The following ASAP1 variants were observed in gnomAD, a reference collection of about 807,000 sequenced individuals.
ASAP1 encodes ArfGAP with SH3 domain, ankyrin repeat and PH domain 1.
A neutral mutation model predicts 145.2 loss-of-function variants in ASAP1; 43 were observed. That is an observed-to-expected ratio of 0.30 (90% CI 0.23 to 0.38). The LOEUF is 0.38. ASAP1 is among the 10% of genes least tolerant of loss of function. The pLI is 1.00. For missense variants in ASAP1, 1,018 were observed against 1,355.3 expected, an observed-to-expected ratio of 0.75 and a Z score of 3.91; for synonymous variants, 546 against 515.5, an observed-to-expected ratio of 1.06 and a Z score of -0.80.
At chr8:130,373,089 C>T (rs1359640928) in intron 2 of ASAP1, among the ~76,000 whole-genome samples, 1 of 144,634 alleles carries the variant, frequency 6.9e-6, no homozygotes, top group Non-Finnish European at 1.5e-5. Context: ...CAGACACCCC[C>T]CCACACACAC....
intron 3 of ASAP1, among the ~76,000 whole-genome samples, chr8:130,353,243 C>A (rs1308510843): frequency 6.6e-6 from 1 of 152,156 alleles, no homozygotes; most frequent in Non-Finnish European, 1.5e-5. Flanking sequence ...TGGAAAATGA[C>A]TTGTATATAG....
At chr8:130,109,555 G>C (rs1378455112) in intron 24 of ASAP1, among the ~76,000 whole-genome samples, 2 of 152,042 alleles carry the variant, frequency 1.3e-5, no homozygotes, top group African/African-American at 2.4e-5. Flanking sequence ...AGAGACCTCT[G>C]CTTTATTTGT....
chr8:130,098,409 T>C (rs2097522822), intron 24 of ASAP1, among the ~76,000 whole-genome samples: 1 of 152,196 alleles, frequency 6.6e-6, no homozygotes, highest in South Asian at 2.1e-4. Context: ...AGTGGCATGA[T>C]CTTAGCTCAC....
chr8:130,090,944 C>A (rs547870740), intron 25 of ASAP1, among the ~76,000 whole-genome samples: 4 of 152,320 alleles, frequency 2.6e-5, no homozygotes, highest in African/African-American at 9.6e-5. Context: ...GTGAGACACA[C>A]AAACTAACAA....
intron 24 of ASAP1, among the ~76,000 whole-genome samples, chr8:130,101,487 G>A (rs1189351412): frequency 6.6e-6 from 1 of 151,972 alleles, no homozygotes; most frequent in Admixed American, 6.6e-5. Context: ...TCATTGCAGA[G>A]CTCTTTCACC....
intron 24 of ASAP1, among the ~76,000 whole-genome samples, chr8:130,094,001 C>T (rs1024554813): frequency 1.3e-5 from 2 of 152,048 alleles, no homozygotes; most frequent in African/African-American, 4.8e-5. Context: ...CATCTTTGTC[C>T]CATTGCGTAA....
At chr8:130,256,332 C>A (rs2136918706) in intron 3 of ASAP1, among the ~76,000 whole-genome samples, 1 of 151,152 alleles carries the variant, frequency 6.6e-6, no homozygotes, top group African/African-American at 2.4e-5. Context: ...CTCCCTTGTC[C>A]CTAGCTCATA....
intron 25 of ASAP1, among the ~76,000 whole-genome samples, chr8:130,080,478 C>CTCTCT (rs869286628): frequency 1.4e-5 from 1 of 71,188 alleles, no homozygotes. Context: ...CATTCTCTCT[C>CTCTCT]TTTTTTTTTT....
rs79876138 is a variant in ASAP1, at chr8:130,115,544, A to T, written c.2172+84T>A. 5,160 of 1,059,672 alleles carry T rather than the reference A, an allele frequency of 4.9e-3. 151 individuals are homozygous for T. The African/African-American group carries it at 0.067, about 14-fold the overall frequency. The allele number at this position is 1,059,672 out of a possible 1,614,324, so 65.6% of individuals were successfully genotyped here. On this transcript the variant is annotated intron_variant, in intron 23 of 29. Transcript: ENST00000518721. ...TGGATCATAAAACCACAATCAATCA[A>T]TCTCACCAAAAATGGATCTTGTCTA...
chr8:130,341,610 G>A (rs1284780741), intron 3 of ASAP1, among the ~76,000 whole-genome samples: 1 of 152,164 alleles, frequency 6.6e-6, no homozygotes, highest in Admixed American at 6.5e-5. Flanking sequence ...CTCTTAAGTA[G>A]TCTCTGTTTC....
chr8:130,219,269 A>AAC (rs946004272), intron 4 of ASAP1, among the ~76,000 whole-genome samples: 2 of 152,140 alleles, frequency 1.3e-5, no homozygotes, highest in East Asian at 1.9e-4. Flanking sequence ...CATGTCCCCT[A>AAC]ACACACACAC....
chr8:130,125,205 T>A (rs976130607), intron 17 of ASAP1, among the ~76,000 whole-genome samples: 1 of 152,138 alleles, frequency 6.6e-6, no homozygotes, highest in African/African-American at 2.4e-5. Flanking sequence ...GTACAAAGAC[T>A]CTCTCACAGT....
chr8:130,090,129 T>C (rs950514160), intron 25 of ASAP1, among the ~76,000 whole-genome samples: 1 of 152,228 alleles, frequency 6.6e-6, no homozygotes, highest in South Asian at 2.1e-4. Context: ...AACGGCCAGC[T>C]GCTAGTCTTG....
At chr8:130,271,829 A>T (rs1392318146) in intron 3 of ASAP1, among the ~76,000 whole-genome samples, 1 of 152,146 alleles carries the variant, frequency 6.6e-6, no homozygotes, top group Non-Finnish European at 1.5e-5. Context: ...ATTCTCTAGT[A>T]TCCTGTTTAT....
chr8:130,078,555 G>C (rs1293445684), intron 26 of ASAP1, among the ~76,000 whole-genome samples: 1 of 152,074 alleles, frequency 6.6e-6, no homozygotes, highest in Non-Finnish European at 1.5e-5. Context: ...CAAAGTGCTG[G>C]GATTACAGGT....
At chr8:130,304,490 G>A (rs1157913242) in intron 3 of ASAP1, among the ~76,000 whole-genome samples, 1 of 152,146 alleles carries the variant, frequency 6.6e-6, no homozygotes, top group African/African-American at 2.4e-5. Context: ...GTCAAGTCTA[G>A]CAGAGGCTCA....
intron 19 of ASAP1, 97 bp from the exon 20 acceptor site, chr8:130,118,343 C>T: frequency 7.4e-7 from 1 of 1,358,098 alleles, no homozygotes; most frequent in South Asian, 1.3e-5. Context: ...ATAAGGAGCA[C>T]ACCTCTTCAC....
At chr8:130,066,805 A>G (rs1223634781) in intron 27 of ASAP1, among the ~76,000 whole-genome samples, 1 of 152,194 alleles carries the variant, frequency 6.6e-6, no homozygotes, top group Non-Finnish European at 1.5e-5. Context: ...TAAGAGTCCC[A>G]CAGGTGTGCC....
chr8:130,242,003 CAAT>C (rs1818556106), intron 3 of ASAP1, among the ~76,000 whole-genome samples: 1 of 151,928 alleles, frequency 6.6e-6, no homozygotes, highest in South Asian at 2.1e-4. Context: ...TAGTACATAA[CAAT>C]AAAATATTAG....
Sources: allele counts gnomAD v4.1 joint callset (sites outside exome capture counted in the v4.1 genomes callset), GRCh38; gene constraint gnomAD v4.1.1; transcripts MANE v1.5; gene names NCBI Gene and HGNC (gene_info 2026-07-23, HGNC 2026-07-21).